Variants in MUC4 observed in about 807,000 individuals in gnomAD.
The protein encoded by MUC4 is mucin-4.
In MUC4, 202 loss-of-function variants were observed where a neutral mutation model predicts 257.9. The ratio of observed to expected loss-of-function variants is 0.78; its 90% CI spans 0.70 to 0.88. The LOEUF (loss-of-function observed/expected upper bound fraction) is 0.88. MUC4 is among the 40% of genes least tolerant of loss of function. The probability of loss-of-function intolerance (pLI) is 0.00; values close to 1 mark genes in which losing one functional copy is unlikely to be tolerated. For missense variants in MUC4, 5,976 were observed against 6,513.7 expected (o/e 0.92, Z 2.84); for synonymous variants, 2,351 against 2,757.1 (o/e 0.85, Z 4.62).
chr3:195,803,593 G>A (rs979241096), intron 1 of MUC4, among the ~76,000 whole-genome samples: 1 of 152,250 alleles, frequency 6.6e-6, no homozygotes, highest in Non-Finnish European at 1.5e-5. Flanking sequence ...AATGTTCACA[G>A]CTCATGTTCA....
In MUC4 at chr3:195,754,259, G is replaced by C. The variant is rs765211773; in HGVS notation, c.15282C>G (p.Cys5094Trp). Residue 5094 changes from cysteine to tryptophan, a missense_variant, in exon 19 of 25, where the codon TGC (cysteine) becomes TGG (tryptophan). Around this residue, in one of 44 missense-constraint regions of MUC4, gnomAD observed 996 missense variants for 1,137.3 expected, o/e 0.88. Coordinates refer to ENST00000463781, the MANE Select transcript of MUC4 (RefSeq NM_018406.7). ...CAGTCAGGTTTGGAGGGCAGGCCTC[G>C]CAGCCCTTCCCAGGAACGCAGTGGA... ...PSVHCVPGKG[C>W]EACPPNLTGD... is the part of the protein sequence containing the mutation. 6.2e-7 allele frequency: 1 copy of C among 1,613,936 alleles called. No individual in the cohort carries two copies. The highest frequency in any genetic ancestry group is 8.5e-7 in the Non-Finnish European group (1 of 1,179,958).
chr3:195,779,941 G>T lies in MUC4; in HGVS notation c.11639C>A (p.Ser3880Ter). The T allele has an allele frequency of 4.1e-6, 6 of 1,460,660 alleles. No homozygotes were observed. The highest frequency in any genetic ancestry group is 5.4e-6 in the Non-Finnish European group (6 of 1,105,130). The allele number at this position is 1,460,660 out of a possible 1,614,324, so 90.5% of individuals were successfully genotyped here. Residue 3880 changes from serine (S) to a stop codon, truncating the protein, a stop_gained, in exon 2 of 25, where the codon TCA (serine) becomes TAA (stop). Coordinates refer to ENST00000463781, the MANE Select transcript of MUC4 (RefSeq NM_018406.7). LOFTEE classifies it high-confidence loss of function. Reference sequence around the variant, plus strand: ...AGGGGTGGTGTCACCTGTGGAAGCTGAGGAAAGGCCGGTAACAGGAAGAGG... The same window carrying T: ...AGGGGTGGTGTCACCTGTGGAAGCTTAGGAAAGGCCGGTAACAGGAAGAGG... ...ATPLPVTGLS[S>*]ASTGDTTPLP...
intron 7 of MUC4, among the ~76,000 whole-genome samples, chr3:195,768,133 C>G (rs1017655613): frequency 1.3e-5 from 2 of 152,140 alleles, no homozygotes; most frequent in East Asian, 3.9e-4. Flanking sequence ...CTGCGTGACA[C>G]CTTCCTTGGG....
chr3:195,804,508 G>A (rs1735734361), intron 1 of MUC4, among the ~76,000 whole-genome samples: 1 of 152,264 alleles, frequency 6.6e-6, no homozygotes, highest in Non-Finnish European at 1.5e-5. Context: ...AGTGCTGTGG[G>A]TTGAGGCTTA....
chr3:195,793,192 G>A (rs1230940019), intron 1 of MUC4, among the ~76,000 whole-genome samples: 1 of 151,922 alleles, frequency 6.6e-6, no homozygotes, highest in Non-Finnish European at 1.5e-5. Flanking sequence ...CATATTTGGG[G>A]GATAAAAAAA....
At chr3:195,775,904 C>G (rs1254079419) in intron 3 of MUC4, among the ~76,000 whole-genome samples, 54 of 80,504 alleles carry the variant, frequency 6.7e-4, no homozygotes, top group Middle Eastern at 7.2e-3. Flanking sequence ...ACCTTCCACA[C>G]CCATACCTTC....
chr3:195,765,521 C>T, intron 8 of MUC4, 72 bp from the exon 9 acceptor site: 2 of 1,462,584 alleles, frequency 1.4e-6, no homozygotes, highest in Non-Finnish European at 1.8e-6. Context: ...GCTTTAGGGT[C>T]AACCAAAACT....
rs1276613781 is a variant in MUC4, at chr3:195,764,199, G to A, written c.13925-35C>T. The A allele has an allele frequency of 3.9e-6, 6 of 1,550,866 alleles. No homozygotes were observed. The South Asian group carries it at 4.8e-5, about 12-fold the overall frequency. Reference sequence around the variant, plus strand: ...ACAGCAGTGAGTCGGGGAGGTTGAGGACCTGGAGAAGCTTGGCAGGGCAGG... The same window carrying A: ...ACAGCAGTGAGTCGGGGAGGTTGAGAACCTGGAGAAGCTTGGCAGGGCAGG... On this transcript the variant is annotated intron_variant, in intron 10 of 24. Transcript: ENST00000463781.
chr3:195,800,516 C>T (rs904116340), intron 1 of MUC4, among the ~76,000 whole-genome samples: 4 of 152,108 alleles, frequency 2.6e-5, no homozygotes, highest in Non-Finnish European at 5.9e-5. Context: ...GCATTCGTTA[C>T]GACAAAACTA....
At chr3:195,791,536 A>G (rs1733865659) in intron 1 of MUC4, 39 bp from the exon 2 acceptor site, 2 of 1,291,116 alleles carry the variant, frequency 1.5e-6, no homozygotes, top group Middle Eastern at 2.1e-4. Flanking sequence ...GAGCTAAATC[A>G]TGAATGAACT....
rs777248221 is a variant in MUC4 at position 195,747,319 on chromosome 3, G to A, written c.16096C>T (p.Leu5366Phe). The change falls in exon 25 of 25, where the codon CTC (leucine) becomes TTC (phenylalanine). Residue 5366 changes from leucine to phenylalanine, a missense_variant. Transcript: ENST00000463781. Reference protein sequence around the residue: ...GEHCEHLSMKLDAFFGIFFGA... With the variant: ...GEHCEHLSMKFDAFFGIFFGA... Reference sequence around the variant, plus strand: ...AAGAAGATGCCGAAGAACGCGTCGAGTTTCATGCTCAGGTGCTCACAGTGC... The same window carrying A: ...AAGAAGATGCCGAAGAACGCGTCGAATTTCATGCTCAGGTGCTCACAGTGC... 5 of 1,614,136 alleles carry A rather than the reference G, an allele frequency of 3.1e-6. 1 individual carries two copies. The highest frequency in any genetic ancestry group is 3.4e-6 in the Non-Finnish European group (4 of 1,179,938).
At position 195,780,231 on chromosome 3, in the gene MUC4, G is replaced by T; in HGVS notation, c.11349C>A (p.Ser3783=). The T allele has an allele frequency of 6.7e-7, 1 of 1,482,774 alleles. No homozygotes were observed. Among genetic ancestry groups the T allele is most frequent in the Non-Finnish European group, 9.2e-7 (1 of 1,089,392 alleles). The allele number at this position is 1,482,774 out of a possible 1,614,324, so 91.9% of individuals were successfully genotyped here. ...HATPLPVTDA[S]SASTGDTTPL... ...GGGTGGTGTCACCTGTGGATGCTGA[G>T]GAAGCGTCGGTGACAGGAAGAGGCG... Residue 3783 remains serine, a synonymous_variant, in exon 2 of 25, where the codon TCC becomes TCA. Transcript: ENST00000463781.
At chr3:195,749,823 A>T (rs1318549257) in intron 23 of MUC4, 1 of 152,326 alleles carries the variant, frequency 6.6e-6, no homozygotes, top group Non-Finnish European at 1.5e-5. Context: ...TGTAGGAAAT[A>T]CTGTTGTCTC....
At chr3:195,752,576 G>A in intron 20 of MUC4, 130 bp from the exon 21 acceptor site, 1 of 743,662 alleles carries the variant, frequency 1.3e-6, no homozygotes, top group Non-Finnish European at 2.3e-6. Context: ...ACCGGGAGAA[G>A]TGGCCCTCAC....
At position 195,767,802 on chromosome 3, in the gene MUC4, TCATCACCACCATCACCAC is replaced by T. The variant is rs1244796618; in HGVS notation, c.13530-1069_13530-1052del. On this transcript the variant is annotated intron_variant, in intron 7 of 24. Transcript: ENST00000463781. ...ATCACCACCATCATTGCCACCACCATCATCACCACCATCACCACCACCACCACCATCACCACCACCACC... is the reference window on the plus strand; with the variant it reads ...ATCACCACCATCATTGCCACCACCATCACCACCACCATCACCACCACCACC... Among the ~76,000 whole-genome samples, 15 of 31,962 alleles carry T rather than the reference TCATCACCACCATCACCAC, an allele frequency of 4.7e-4. No individual in the cohort carries two copies. In the East Asian group the frequency reaches 0.013, roughly 27 times the overall value. 21.0% of individuals were successfully genotyped at this position (31,962 alleles called of 152,430 possible). A position where few individuals can be genotyped will look rare whatever the true frequency, so the allele number is the denominator to read the frequency against.
Position 195,765,048 on chromosome 3 carries a change from G to C in MUC4, c.13873C>G (p.Pro4625Ala). Reference sequence around the variant, plus strand: ...CAGCCTTCACGAAACTCTCCCCAGGGCCCGTAGCTGCAGCACACGCCTCCT... The same window carrying C: ...CAGCCTTCACGAAACTCTCCCCAGGCCCCGTAGCTGCAGCACACGCCTCCT... ...WRGGVCCSYG[P>A]WGEFREGWHV... The change falls in exon 10 of 25, where the codon CCC (proline) becomes GCC (alanine). Residue 4625 changes from proline (P) to alanine (A), a missense_variant. This residue lies in a region of MUC4 where 996 missense variants were observed against 1,137.3 expected (regional missense o/e 0.88). Transcript: ENST00000463781. 1 of 1,613,964 alleles carries C rather than the reference G, an allele frequency of 6.2e-7. No homozygotes were observed. The highest frequency in any genetic ancestry group is 1.1e-5 in the South Asian group (1 of 91,088).
chr3:195,776,069 C>T (rs1420971381), intron 3 of MUC4, among the ~76,000 whole-genome samples: 3 of 28,682 alleles, frequency 1.0e-4, no homozygotes, highest in African/African-American at 2.0e-4. Flanking sequence ...ACCTTCCACA[C>T]CCTTACCTTC....
Position 195,777,720 on chromosome 3 carries a change from C to T in MUC4, c.12943+583G>A, listed in dbSNP as rs1307556028. On this transcript the variant is annotated intron_variant, in intron 3 of 24. Transcript: ENST00000463781. Reference sequence around the variant, plus strand: ...CCTTCCACACCCATACCTTCCACACCCATACCTTCCACACCCATACCTTCC... The same window carrying T: ...CCTTCCACACCCATACCTTCCACACTCATACCTTCCACACCCATACCTTCC... 3.1e-4 allele frequency among the ~76,000 whole-genome samples: 10 copies of T among 32,412 alleles called. 1 individual carries two copies. Among genetic ancestry groups the T allele is most frequent in the East Asian group, 4.1e-3 (2 of 482 alleles). 21.3% of individuals were successfully genotyped at this position (32,412 alleles called of 152,430 possible).
At position 195,762,003 on chromosome 3, in the gene MUC4, C is replaced by T. The variant is rs539794039; in HGVS notation, c.14512+84G>A. 2.9e-5 allele frequency: 42 copies of T among 1,429,168 alleles called. No individual in the cohort carries two copies. The East Asian group carries it at 9.2e-4, about 31-fold the overall frequency. The allele number at this position is 1,429,168 out of a possible 1,614,324, so 88.5% of individuals were successfully genotyped here. A position where few individuals can be genotyped will look rare whatever the true frequency, so the allele number is the denominator to read the frequency against. On this transcript the variant is annotated intron_variant, in intron 14 of 24. Transcript: ENST00000463781. Reference sequence around the variant, plus strand: ...AGGAGGCGGAGAAAGGGAGGCCGAGCAGGGCTGCCCGGGCCGCCGGCGTGG... The same window carrying T: ...AGGAGGCGGAGAAAGGGAGGCCGAGTAGGGCTGCCCGGGCCGCCGGCGTGG...
Sources: allele counts gnomAD v4.1 joint callset (sites outside exome capture counted in the v4.1 genomes callset), GRCh38; gene constraint gnomAD v4.1.1; regional missense constraint gnomAD v4.1.1; transcripts MANE v1.5; gene names NCBI Gene and HGNC (gene_info 2026-07-23, HGNC 2026-07-21).